FSTL5: variants seen among roughly 807,000 people sequenced by gnomAD.
FSTL5 encodes follistatin-related protein 5.
FSTL5 carries 62 observed loss-of-function variants against 89.1 expected under a neutral mutation model. That is an observed-to-expected ratio of 0.70 (90% CI 0.57 to 0.86). FSTL5 has a LOEUF of 0.86. Ranked by LOEUF, FSTL5 falls within the 40% of genes least tolerant of loss-of-function variation. The pLI, the probability that FSTL5 is intolerant of heterozygous loss-of-function variation, is 0.00. For missense variants in FSTL5, 1,057 were observed against 1,001.6 expected, an observed-to-expected ratio of 1.06 and a Z score of -0.75; for synonymous variants, 383 against 346.2, an observed-to-expected ratio of 1.11 and a Z score of -1.18.
chr4:161,704,614 G>A lies in FSTL5; in HGVS notation c.728-48120C>T, dbSNP rs141835256. Among the ~76,000 whole-genome samples the A allele has an allele frequency of 4.0e-5, 6 of 151,856 alleles. No individual in the cohort carries two copies. In the East Asian group the frequency reaches 5.8e-4, roughly 15 times the overall value. The stretch of plus-strand genomic sequence containing the variant: ...TTTTTCCTCTGGTAAAGAATTTTTC[G>A]TAATCCTTTATCACTGGCAAAGTAG... On this transcript the variant is annotated intron_variant, in intron 6 of 15. Transcript: ENST00000306100.
chr4:161,701,747 G>C (rs1318963223), intron 6 of FSTL5, among the ~76,000 whole-genome samples: 1 of 151,984 alleles, frequency 6.6e-6, no homozygotes. Context: ...CTACTGATTA[G>C]ACTTAAATAT....
chr4:161,661,200 GAAGAGC>G (rs1344801992), intron 6 of FSTL5, among the ~76,000 whole-genome samples: 3 of 152,120 alleles, frequency 2.0e-5, no homozygotes. Context: ...AAAATCATAA[GAAGAGC>G]AAGCTTTTCA....
chr4:161,978,782 G>C (rs1190583559), intron 3 of FSTL5, among the ~76,000 whole-genome samples: 1 of 152,100 alleles, frequency 6.6e-6, no homozygotes, highest in South Asian at 2.1e-4. Flanking sequence ...GTCTAGATTT[G>C]CCTATTGTTA....
intron 4 of FSTL5, among the ~76,000 whole-genome samples, chr4:161,776,375 A>G (rs892925534): frequency 1.3e-5 from 2 of 152,074 alleles, no homozygotes; most frequent in African/African-American, 4.8e-5. Flanking sequence ...ATTTATTTCA[A>G]CGTTCAAATT....
At position 161,432,526 on chromosome 4, in the gene FSTL5, A is replaced by G. The variant is rs545542018; in HGVS notation, c.1841+22478T>C. 2.6e-5 allele frequency among the ~76,000 whole-genome samples: 4 copies of G among 152,208 alleles called. No homozygotes were observed. The South Asian group carries it at 8.3e-4, about 32-fold the overall frequency. Reference sequence around the variant, plus strand: ...AAAACTTCAAATAAACTAATGATGCATCTTAAAGAACTAGAAAAGCAGGAA... The same window carrying G: ...AAAACTTCAAATAAACTAATGATGCGTCTTAAAGAACTAGAAAAGCAGGAA... On this transcript the variant is annotated intron_variant, in intron 15 of 15. Coordinates refer to ENST00000306100, the MANE Select transcript of FSTL5 (RefSeq NM_020116.5).
chr4:162,085,172 T>C (rs1458007246), intron 2 of FSTL5, among the ~76,000 whole-genome samples: 2 of 152,094 alleles, frequency 1.3e-5, no homozygotes, highest in Non-Finnish European at 2.9e-5. Flanking sequence ...TACATTTTCA[T>C]CCTGAATATT....
chr4:161,907,719 TGAG>T (rs1272924404), intron 4 of FSTL5, among the ~76,000 whole-genome samples: 1 of 152,090 alleles, frequency 6.6e-6, no homozygotes, highest in Non-Finnish European at 1.5e-5. Flanking sequence ...AGGTTGACGA[TGAG>T]GACTTTTTAT....
chr4:161,565,505 T>C (rs1044832028), intron 8 of FSTL5, among the ~76,000 whole-genome samples: 1 of 151,834 alleles, frequency 6.6e-6, no homozygotes, highest in Non-Finnish European at 1.5e-5. Context: ...AGTGGCAGTC[T>C]TGATTATTAA....
chr4:161,419,873 GGAATGCTTCC>G (rs1731922386), intron 15 of FSTL5, among the ~76,000 whole-genome samples: 1 of 152,136 alleles, frequency 6.6e-6, no homozygotes, highest in Non-Finnish European at 1.5e-5. Flanking sequence ...TGCAGAGGGA[GGAATGCTTCC>G]ACCAGAAGAC....
chr4:162,020,392 C>T (rs529339611), intron 3 of FSTL5, among the ~76,000 whole-genome samples: 4 of 151,832 alleles, frequency 2.6e-5, no homozygotes, highest in African/African-American at 9.6e-5. Flanking sequence ...TTAAGGAGTC[C>T]CTCAGTCTTC....
intron 2 of FSTL5, among the ~76,000 whole-genome samples, chr4:162,099,374 T>G (rs1250649875): frequency 6.6e-6 from 1 of 152,292 alleles, no homozygotes; most frequent in Admixed American, 6.5e-5. Flanking sequence ...TATTCATAGT[T>G]TGTATTGTTA....
At chr4:161,491,336 T>G (rs1013807280) in intron 12 of FSTL5, among the ~76,000 whole-genome samples, 1 of 152,000 alleles carries the variant, frequency 6.6e-6, no homozygotes, top group African/African-American at 2.4e-5. Context: ...CTATTAGATA[T>G]CTTTTGTGAA....
At chr4:161,625,043 GGTTAATAGTATACAGTATT>G (rs1263451006) in intron 7 of FSTL5, among the ~76,000 whole-genome samples, 4 of 152,004 alleles carry the variant, frequency 2.6e-5, no homozygotes, top group African/African-American at 9.7e-5. Context: ...ATTCTATGAT[GGTTAATAGTATACAGTATT>G]GTTCAATAAT....
At chr4:161,571,528 T>A (rs1022104757) in intron 8 of FSTL5, among the ~76,000 whole-genome samples, 2 of 151,684 alleles carry the variant, frequency 1.3e-5, no homozygotes, top group African/African-American at 4.8e-5. Context: ...AAATAAAGAA[T>A]GGAACAATTA....
chr4:161,459,388 A>G, intron 13 of FSTL5, 69 bp from the exon 14 acceptor site: 5 of 913,512 alleles, frequency 5.5e-6, no homozygotes, highest in Non-Finnish European at 3.5e-6. Context: ...GCCAGAAATT[A>G]TGAAGATTCT....
At chr4:161,820,718 T>C (rs773277434) in intron 4 of FSTL5, among the ~76,000 whole-genome samples, 24 of 152,154 alleles carry the variant, frequency 1.6e-4, no homozygotes, top group Non-Finnish European at 3.5e-4. Flanking sequence ...TAAAGTCATG[T>C]ATTGAGAACA....
At chr4:161,388,275 T>A (rs1046081258) in intron 15 of FSTL5, 1 of 152,080 alleles carries the variant, frequency 6.6e-6, no homozygotes, top group Non-Finnish European at 1.5e-5. Context: ...ACCCAGCTCA[T>A]ACCATACCCA....
intron 7 of FSTL5, among the ~76,000 whole-genome samples, chr4:161,617,763 G>A (rs767749598): frequency 1.8e-4 from 27 of 152,246 alleles, no homozygotes; most frequent in Admixed American, 3.9e-4. Flanking sequence ...GAAAAACTGT[G>A]ATTATAGAAT....
chr4:161,673,435 A>T (rs969890388), intron 6 of FSTL5, among the ~76,000 whole-genome samples: 1 of 152,058 alleles, frequency 6.6e-6, no homozygotes, highest in Non-Finnish European at 1.5e-5. Flanking sequence ...TTTATTAGAA[A>T]AATTAAATAC....
Sources: gnomAD v4.1 joint callset for allele counts (sites outside exome capture counted in the v4.1 genomes callset) on GRCh38, gnomAD v4.1.1 for gene constraint, MANE v1.5 for transcripts, NCBI Gene and HGNC (gene_info 2026-07-23, HGNC 2026-07-21) for gene names.